The following TENM3 variants were observed in gnomAD, a reference collection of about 807,000 sequenced individuals.
TENM3 encodes the protein teneurin-3.
Under a neutral mutation model 255.1 loss-of-function variants are expected in TENM3, and 63 were observed. The ratio of observed to expected loss-of-function variants is 0.25; its 90% CI spans 0.20 to 0.30. The LOEUF (loss-of-function observed/expected upper bound fraction) is 0.30, where lower values mean the gene tolerates loss of function less well. TENM3 is among the 10% of genes least tolerant of loss of function. The probability of loss-of-function intolerance (pLI) is 1.00; values close to 1 mark genes in which losing one functional copy is unlikely to be tolerated. For missense variants in TENM3, 2,929 were observed against 3,461.1 expected (o/e 0.85, Z 3.86); for synonymous variants, 1,306 against 1,322.3 (o/e 0.99, Z 0.27).
chr4:181,855,389 A>T, the TENM3 span, among the ~76,000 whole-genome samples: 3 of 152,226 alleles, frequency 2.0e-5, no homozygotes. Flanking sequence ...AAACTTATAT[A>T]ACAATTCTCA....
the TENM3 span, among the ~76,000 whole-genome samples, chr4:181,882,211 G>A: frequency 2.6e-5 from 4 of 152,218 alleles, no homozygotes; most frequent in East Asian, 5.8e-4. Context: ...GCATCTGCTC[G>A]ACTCTAATAA....
intron 1 of TENM3, among the ~76,000 whole-genome samples, chr4:182,218,091 C>G (rs1423941272): frequency 6.6e-6 from 1 of 152,142 alleles, no homozygotes; most frequent in Non-Finnish European, 1.5e-5. Flanking sequence ...TTTAATAGGT[C>G]CTCTTTTATG....
At chr4:181,991,061 C>A in the TENM3 span, among the ~76,000 whole-genome samples, 1 of 152,064 alleles carries the variant, frequency 6.6e-6, no homozygotes, top group Non-Finnish European at 1.5e-5. Flanking sequence ...TTTGGGCTAG[C>A]CTTTCCTATA....
intron 3 of TENM3, among the ~76,000 whole-genome samples, chr4:182,586,190 G>A (rs1746008116): frequency 2.0e-5 from 3 of 152,164 alleles, no homozygotes; most frequent in Admixed American, 6.5e-5. Flanking sequence ...CCAAGAGTTC[G>A]AGGTTGCAGT....
intron 3 of TENM3, among the ~76,000 whole-genome samples, chr4:182,556,757 A>T (rs886521451): frequency 6.6e-6 from 1 of 152,190 alleles, no homozygotes; most frequent in Non-Finnish European, 1.5e-5. Context: ...ACCCACTCCT[A>T]CGTAGACTGA....
Position 182,602,719 on chromosome 4 carries a change from G to A in TENM3, c.749+1558G>A, listed in dbSNP as rs116823978. On this transcript the variant is annotated intron_variant, in intron 4 of 27. Coordinates refer to ENST00000511685, the MANE Select transcript of TENM3 (RefSeq NM_001080477.4). ...CACTTAAGACACAGTCATGTATACG[G>A]ATTTTTTTTTCCTGAGGTTATTAGC... is the stretch of plus-strand genomic sequence containing the variant. Among the ~76,000 whole-genome samples, 697 of 152,164 alleles carry A rather than the reference G, an allele frequency of 4.6e-3. 7 individuals carry two copies. The highest frequency in any genetic ancestry group is 0.015 in the African/African-American group (639 of 41,520).
intron 3 of TENM3, among the ~76,000 whole-genome samples, chr4:182,536,931 T>A (rs953011358): frequency 6.6e-6 from 1 of 152,216 alleles, no homozygotes; most frequent in African/African-American, 2.4e-5. Flanking sequence ...TTTTTTCCCT[T>A]GTTTGCTTTT....
At chr4:182,606,350 C>G (rs1748420974) in intron 4 of TENM3, among the ~76,000 whole-genome samples, 2 of 151,684 alleles carry the variant, frequency 1.3e-5, no homozygotes, top group Non-Finnish European at 2.9e-5. Flanking sequence ...ATGGTGAAAC[C>G]CCGTCTCTAC....
chr4:182,716,482 C>G (rs922678208), intron 13 of TENM3, among the ~76,000 whole-genome samples: 1 of 152,194 alleles, frequency 6.6e-6, no homozygotes, highest in Non-Finnish European at 1.5e-5. Context: ...TGTGGATTCT[C>G]TGCTTATCTC....
the TENM3 span, among the ~76,000 whole-genome samples, chr4:181,718,235 G>T: frequency 1.3e-5 from 2 of 152,178 alleles, no homozygotes; most frequent in African/African-American, 4.8e-5. Context: ...AACATTCAAA[G>T]ATTTCCTGTG....
At chr4:182,456,735 T>C (rs1316207743) in intron 3 of TENM3, among the ~76,000 whole-genome samples, 1 of 152,104 alleles carries the variant, frequency 6.6e-6, no homozygotes, top group Non-Finnish European at 1.5e-5. Flanking sequence ...ACACCTTCCG[T>C]GATTGTGTTA....
rs1250518832 is a variant in TENM3 at position 182,681,987 on chromosome 4, A to G, written c.2008A>G (p.Asn670Asp). The change falls in exon 11 of 28, where the codon AAC (asparagine) becomes GAC (aspartate). Residue 670 changes from asparagine to aspartate, a missense_variant. Coordinates refer to ENST00000511685, the MANE Select transcript of TENM3 (RefSeq NM_001080477.4). ...QESGSCTCDP[N>D]WTGPDCSNEI... ...AAGTGGCTCCTGCACGTGTGACCCT[A>G]ACTGGACTGGCCCAGACTGCTCAAA... The G allele has an allele frequency of 1.9e-6, 3 of 1,613,966 alleles. No homozygotes were observed. Among genetic ancestry groups the G allele is most frequent in the Non-Finnish European group, 2.5e-6 (3 of 1,179,884 alleles).
intron 3 of TENM3, among the ~76,000 whole-genome samples, chr4:182,505,461 A>C (rs1736716500): frequency 6.9e-6 from 1 of 144,564 alleles, no homozygotes; most frequent in Non-Finnish European, 1.5e-5. Context: ...TTTTCCTTTT[A>C]TTTTATTTTA....
the TENM3 span, among the ~76,000 whole-genome samples, chr4:181,468,679 T>C: frequency 3.3e-5 from 5 of 152,252 alleles, no homozygotes; most frequent in Non-Finnish European, 7.3e-5. Context: ...AAATGAAGTC[T>C]TAGATCTGTT....
intron 3 of TENM3, among the ~76,000 whole-genome samples, chr4:182,524,301 A>C (rs1738894942): frequency 6.7e-6 from 1 of 148,966 alleles, no homozygotes; most frequent in South Asian, 2.1e-4. Context: ...CCACTATACC[A>C]TCTTTTAATT....
chr4:182,144,095 A>C (rs2149543677), upstream of TENM3: 1 of 152,880 alleles, frequency 6.5e-6, no homozygotes, highest in African/African-American at 2.4e-5. Context: ...ATTATAAATG[A>C]TCACAGCCAG....
At chr4:181,530,728 G>A in the TENM3 span, among the ~76,000 whole-genome samples, 1 of 152,188 alleles carries the variant, frequency 6.6e-6, no homozygotes, top group Non-Finnish European at 1.5e-5. Context: ...ATCTTTAATG[G>A]ATGTTGATTC....
chr4:181,477,212 G>A, the TENM3 span, among the ~76,000 whole-genome samples: 8 of 152,192 alleles, frequency 5.3e-5, no homozygotes, highest in African/African-American at 9.6e-5. Context: ...TCCCCGAAAT[G>A]CTCCTATGAT....
At chr4:181,672,782 C>A in the TENM3 span, among the ~76,000 whole-genome samples, 2 of 152,144 alleles carry the variant, frequency 1.3e-5, no homozygotes, top group African/African-American at 2.4e-5. Context: ...ATAGTATAAT[C>A]AATCTTCAAA....
Sources: gnomAD v4.1 joint callset for allele counts (sites outside exome capture counted in the v4.1 genomes callset) on GRCh38, gnomAD v4.1.1 for gene constraint, MANE v1.5 for transcripts, NCBI Gene and HGNC (gene_info 2026-07-23, HGNC 2026-07-21) for gene names.